RBFOX3: variants seen among roughly 807,000 people sequenced by gnomAD.
RBFOX3 encodes RNA binding fox-1 homolog 3.
Under a neutral mutation model 48.7 loss-of-function variants are expected in RBFOX3, and 17 were observed. The ratio of observed to expected loss-of-function variants is 0.35; its 90% confidence interval spans 0.24 to 0.52. The LOEUF (loss-of-function observed/expected upper bound fraction) is 0.52. Among genes scored for constraint, RBFOX3 ranks in the 20% least tolerant of loss-of-function variants. The pLI is 0.94. For missense variants in RBFOX3, 382 were observed against 497.5 expected, an observed-to-expected ratio of 0.77 and a Z score of 2.21; for synonymous variants, 212 against 209.5, an observed-to-expected ratio of 1.01 and a Z score of -0.10.
At chr17:79,645,707 G>T in the RBFOX3 span, among the ~76,000 whole-genome samples, 5 of 152,180 alleles carry the variant, frequency 3.3e-5, no homozygotes, top group East Asian at 9.6e-4. Context: ...TGCCTGGACC[G>T]CAGCGGCCTC....
the RBFOX3 span, among the ~76,000 whole-genome samples, chr17:79,644,685 G>T: frequency 6.6e-6 from 1 of 152,188 alleles, no homozygotes; most frequent in Non-Finnish European, 1.5e-5. Flanking sequence ...AATAACATGT[G>T]AACGAAGTGT....
intron 2 of RBFOX3, among the ~76,000 whole-genome samples, chr17:79,466,103 G>C (rs2076281048): frequency 6.6e-6 from 1 of 152,198 alleles, no homozygotes; most frequent in South Asian, 2.1e-4. Context: ...TCCAAGCCAA[G>C]GTCCCAGACC....
chr17:79,283,735 C>T (rs2071162692), intron 3 of RBFOX3, among the ~76,000 whole-genome samples: 5 of 152,242 alleles, frequency 3.3e-5, no homozygotes, highest in Admixed American at 3.3e-4. Flanking sequence ...AGTCCTTGCC[C>T]ATCATGCAGA....
chr17:79,395,614 G>A (rs1183180351), intron 2 of RBFOX3, among the ~76,000 whole-genome samples: 3 of 152,218 alleles, frequency 2.0e-5, no homozygotes, highest in Non-Finnish European at 2.9e-5. Context: ...GGCAGTTAGT[G>A]TGTGCCGGGC....
At chr17:79,090,930 G>A (rs1424382455) in intron 14 of RBFOX3, 45 bp from the exon 15 acceptor site, 1 of 1,530,714 alleles carries the variant, frequency 6.5e-7, no homozygotes, top group African/African-American at 1.4e-5. Context: ...TCTCGGGGGA[G>A]GCACAGCAGG....
chr17:79,376,636 A>G (rs2059256626), intron 2 of RBFOX3, among the ~76,000 whole-genome samples: 1 of 152,186 alleles, frequency 6.6e-6, no homozygotes. Context: ...CTCAGCTCTC[A>G]GGAGTGGGAG....
At position 79,212,394 on chromosome 17, in the gene RBFOX3, C is replaced by T. The variant is rs933889480; in HGVS notation, c.-34+23372G>A. On this transcript the variant is annotated intron_variant, in intron 4 of 14. Coordinates refer to ENST00000693108, the MANE Select transcript of RBFOX3 (RefSeq NM_001350451.2). The surrounding 1 kb of genome is among the most constrained non-coding windows in gnomAD (Gnocchi z 4.7). ...GCCTCTCTGGCTGCTCCTTCCTTCC[C>T]TCCTGCAGCCGGGCTCCTGGCGCTG... Among the ~76,000 whole-genome samples, 23 of 152,172 alleles carry T rather than the reference C, an allele frequency of 1.5e-4. No homozygotes were observed. The highest frequency in any genetic ancestry group is 4.3e-4 in the African/African-American group (18 of 41,440).
chr17:79,574,566 C>T (rs938400463), intron 1 of RBFOX3, among the ~76,000 whole-genome samples: 3 of 152,188 alleles, frequency 2.0e-5, no homozygotes, highest in African/African-American at 4.8e-5. Context: ...CCCTCAGGTC[C>T]GGGAAATTCC....
the RBFOX3 span, among the ~76,000 whole-genome samples, chr17:79,619,531 G>A: frequency 6.6e-6 from 1 of 152,146 alleles, no homozygotes; most frequent in Non-Finnish European, 1.5e-5. Context: ...GGCAGCAGTC[G>A]TTGGACTTAG....
At chr17:79,169,023 C>T (rs896915161) in intron 4 of RBFOX3, among the ~76,000 whole-genome samples, 3 of 152,186 alleles carry the variant, frequency 2.0e-5, no homozygotes, top group African/African-American at 2.4e-5. Flanking sequence ...CACTGGCTCT[C>T]GCCACACTGC....
chr17:79,393,760 G>T (rs748931123), intron 2 of RBFOX3, among the ~76,000 whole-genome samples: 35 of 148,868 alleles, frequency 2.4e-4, no homozygotes, highest in African/African-American at 1.2e-4. Flanking sequence ...GCACATCAGA[G>T]CTGGTCATCA....
intron 4 of RBFOX3, among the ~76,000 whole-genome samples, chr17:79,192,244 A>G (rs913133476): frequency 2.6e-5 from 4 of 152,166 alleles, no homozygotes; most frequent in African/African-American, 9.7e-5. Context: ...GTTGGCAGCC[A>G]GCTGAGGGCC....
At position 79,363,109 on chromosome 17, in the gene RBFOX3, G is replaced by T. The variant is rs544645079; in HGVS notation, c.-174-55285C>A. Among the ~76,000 whole-genome samples, 2 of 152,190 alleles carry T rather than the reference G, an allele frequency of 1.3e-5. No homozygotes were observed. The highest frequency in any genetic ancestry group is 1.9e-4 in the East Asian group (1 of 5,168). On this transcript the variant is annotated intron_variant, in intron 2 of 14. Transcript: ENST00000693108. This position sits in a 1 kb window ranked among gnomAD's most constrained non-coding sequence, Gnocchi z 4.7. ...CGAGGTTTCTGGGCCATAGTGAGCC[G>T]CAGGGGAGGCACGTGGCTCCTGCAG... is the stretch of plus-strand genomic sequence containing the variant.
At chr17:79,383,769 C>T (rs1201570334) in intron 2 of RBFOX3, among the ~76,000 whole-genome samples, 1 of 152,140 alleles carries the variant, frequency 6.6e-6, no homozygotes, top group African/African-American at 2.4e-5. Flanking sequence ...GCCTGGGGAG[C>T]TCAGTGTCCC....
chr17:79,142,990 G>A (rs965479095), intron 4 of RBFOX3, among the ~76,000 whole-genome samples: 5 of 152,146 alleles, frequency 3.3e-5, no homozygotes, highest in Non-Finnish European at 5.9e-5. Flanking sequence ...GGGAGGCCCA[G>A]GACAGGGACA....
chr17:79,469,082 G>A (rs1238831601), intron 2 of RBFOX3, among the ~76,000 whole-genome samples: 1 of 152,176 alleles, frequency 6.6e-6, no homozygotes, highest in Non-Finnish European at 1.5e-5. Flanking sequence ...CTGACAGATA[G>A]ATAGATAGAT....
At chr17:79,216,287 G>A (rs186311897) in intron 4 of RBFOX3, among the ~76,000 whole-genome samples, 6 of 152,220 alleles carry the variant, frequency 3.9e-5, no homozygotes, top group Admixed American at 6.5e-5. Flanking sequence ...TGGTCTCTGC[G>A]GTGTGTGGCA....
chr17:79,399,270 C>T (rs926733553), intron 2 of RBFOX3, among the ~76,000 whole-genome samples: 4 of 152,186 alleles, frequency 2.6e-5, no homozygotes, highest in Admixed American at 6.5e-5. Flanking sequence ...ACAGGAAATG[C>T]GTACCGTGGG....
chr17:79,510,459 C>T (rs977204995), intron 1 of RBFOX3, among the ~76,000 whole-genome samples: 49 of 152,322 alleles, frequency 3.2e-4, no homozygotes, highest in Non-Finnish European at 4.9e-4. Context: ...CACCCTCAGC[C>T]GCACCAAATC....
Sources: allele counts gnomAD v4.1 joint callset (sites outside exome capture counted in the v4.1 genomes callset), GRCh38; gene constraint gnomAD v4.1.1; non-coding constraint Gnocchi (gnomAD v3.1); transcripts MANE v1.5; gene names NCBI Gene and HGNC (gene_info 2026-07-23, HGNC 2026-07-21).